PIEZO2: variants seen among roughly 807,000 people sequenced by gnomAD.
PIEZO2 encodes the protein piezo type mechanosensitive ion channel component 2, also known as piezo-type mechanosensitive ion channel component 2.
In PIEZO2, 172 loss-of-function variants were observed where a neutral mutation model predicts 337.3. The ratio of observed to expected loss-of-function variants is 0.51; its 90% CI spans 0.45 to 0.58. PIEZO2 has a LOEUF of 0.58. Ranked by LOEUF, PIEZO2 falls within the 20% of genes least tolerant of loss-of-function variation. PIEZO2 has a pLI of 0.00. For synonymous variants in PIEZO2, 1,251 were observed against 1,228.5 expected (o/e 1.02, Z -0.38); for missense variants, 3,028 against 3,391.3 (o/e 0.89, Z 2.66).
intron 3 of PIEZO2, among the ~76,000 whole-genome samples, chr18:10,935,472 A>G (rs2032340758): frequency 6.6e-6 from 1 of 152,318 alleles, no homozygotes; most frequent in East Asian, 1.9e-4. Flanking sequence ...ACAGAATTGG[A>G]TGACAACTCT....
chr18:11,052,488 C>T (rs1326446840), intron 2 of PIEZO2, among the ~76,000 whole-genome samples: 1 of 152,158 alleles, frequency 6.6e-6, no homozygotes, highest in South Asian at 2.1e-4. Flanking sequence ...TAAGGAGTCA[C>T]CTTTGAACCC....
chr18:10,896,060 C>CAA (rs11414260), intron 4 of PIEZO2, among the ~76,000 whole-genome samples: 12,303 of 119,204 alleles, frequency 0.1, 705 homozygotes, highest in African/African-American at 0.18. Flanking sequence ...AATTTCATCT[C>CAA]AAAAAAAAAA....
intron 1 of PIEZO2, among the ~76,000 whole-genome samples, chr18:11,139,029 T>C (rs1028218560): frequency 6.6e-6 from 1 of 152,228 alleles, no homozygotes; most frequent in African/African-American, 2.4e-5. Flanking sequence ...CACTAGCCAA[T>C]GTTTTACTCA....
At position 10,672,757 on chromosome 18, in the gene PIEZO2, C is replaced by A; in HGVS notation, c.8278G>T (p.Ala2760Ser). Reference sequence around the variant, plus strand: ...TCATTGAAGACCACCAGTTCCAGGGCCTGAGAGTTCGGATTGTATATTCTG... The same window carrying A: ...TCATTGAAGACCACCAGTTCCAGGGACTGAGAGTTCGGATTGTATATTCTG... ...GNRIYNPNSQ[A>S]LELVVFNDKV... is the part of the protein sequence containing the mutation. Residue 2760 changes from alanine (A) to serine (S), a missense_variant, in exon 55 of 56, where the codon GCC becomes TCC. Coordinates refer to ENST00000674853, the MANE Select transcript of PIEZO2 (RefSeq NM_001378183.1). This position sits in a 1 kb window ranked among gnomAD's most constrained non-coding sequence, Gnocchi z 4.7. 1.9e-6 allele frequency: 3 copies of A among 1,614,086 alleles called. No individual in the cohort carries two copies. The East Asian group carries it at 6.7e-5, about 36-fold the overall frequency.
At position 11,126,639 on chromosome 18, in the gene PIEZO2, T is replaced by G. The variant is rs1173321262; in HGVS notation, c.64+21886A>C. 1.3e-5 allele frequency among the ~76,000 whole-genome samples: 2 copies of G among 152,166 alleles called. No homozygotes were observed. Among genetic ancestry groups the G allele is most frequent in the Non-Finnish European group, 2.9e-5 (2 of 68,018 alleles). ...GGAGCCATGCCTTACATATTTTTTT[T>G]TTTTTGTATTCCCAGAATCGAGCCA... On this transcript the variant is annotated intron_variant, in intron 1 of 55. Coordinates refer to ENST00000674853, the MANE Select transcript of PIEZO2 (RefSeq NM_001378183.1). The surrounding 1 kb of genome is among the most constrained non-coding windows in gnomAD (Gnocchi z 4.6).
intron 39 of PIEZO2, among the ~76,000 whole-genome samples, chr18:10,710,117 C>T (rs1180989324): frequency 1.3e-5 from 2 of 152,248 alleles, no homozygotes; most frequent in African/African-American, 4.8e-5. Context: ...GATGCAACCC[C>T]ATAGCCTGTG....
At chr18:11,040,660 C>A (rs1460105637) in intron 2 of PIEZO2, among the ~76,000 whole-genome samples, 1 of 152,114 alleles carries the variant, frequency 6.6e-6, no homozygotes, top group Non-Finnish European at 1.5e-5. Flanking sequence ...AGAGTAGAGA[C>A]GTCTCTTTCT....
chr18:10,784,087 T>A lies in PIEZO2; in HGVS notation c.2492+697A>T, dbSNP rs187311353. Among the ~76,000 whole-genome samples the A allele has an allele frequency of 3.4e-3, 518 of 152,312 alleles. 3 individuals carry two copies. Among genetic ancestry groups the A allele is most frequent in the Non-Finnish European group, 5.0e-3 (339 of 68,036 alleles). On this transcript the variant is annotated intron_variant, in intron 17 of 55. Transcript: ENST00000674853. The surrounding 1 kb of genome is among the most constrained non-coding windows in gnomAD (Gnocchi z 4.5). ...AACATGAGGCAGAAAGGAAAACCATTGTCAGCGTTCACTAAAAGAATGCTT... is the reference window on the plus strand; with the variant it reads ...AACATGAGGCAGAAAGGAAAACCATAGTCAGCGTTCACTAAAAGAATGCTT...
intron 2 of PIEZO2, among the ~76,000 whole-genome samples, chr18:11,055,843 G>A (rs1029436429): frequency 3.9e-5 from 6 of 152,138 alleles, no homozygotes; most frequent in African/African-American, 1.2e-4. Context: ...ACCCTTCCCC[G>A]TTGTGTGCGC....
chr18:10,788,326 T>C (rs1173601918), intron 15 of PIEZO2, among the ~76,000 whole-genome samples: 2 of 149,766 alleles, frequency 1.3e-5, no homozygotes, highest in Non-Finnish European at 3.0e-5. Context: ...TCCTTGAAAC[T>C]GGGAGGCAGA....
rs1180525416 is a variant in PIEZO2 at position 10,945,251 on chromosome 18, C to T, written c.287-34023G>A. ...CTGGAGTGCAGTGGCACAATCATAG[C>T]TCACTGCAGCCTCAAACTCCTGTGC... is the stretch of plus-strand genomic sequence containing the variant. On this transcript the variant is annotated intron_variant, in intron 3 of 55. Coordinates refer to ENST00000674853, the MANE Select transcript of PIEZO2 (RefSeq NM_001378183.1). This position sits in a 1 kb window ranked among gnomAD's most constrained non-coding sequence, Gnocchi z 4.0. Among the ~76,000 whole-genome samples, 1 of 152,142 alleles carries T rather than the reference C, an allele frequency of 6.6e-6. No individual in the cohort carries two copies. The highest frequency in any genetic ancestry group is 1.5e-5 in the Non-Finnish European group (1 of 68,010).
intron 36 of PIEZO2, among the ~76,000 whole-genome samples, chr18:10,723,195 G>A (rs1006483729): frequency 3.9e-5 from 6 of 151,946 alleles, no homozygotes; most frequent in Non-Finnish European, 7.4e-5. Context: ...TCAAACTCCC[G>A]ACCTCAGGTG....
intron 3 of PIEZO2, among the ~76,000 whole-genome samples, chr18:10,918,062 T>C (rs765005798): frequency 7.9e-5 from 12 of 152,208 alleles, no homozygotes; most frequent in Non-Finnish European, 1.3e-4. Flanking sequence ...TGATCTTCTG[T>C]TGAAATTTAG....
In PIEZO2 at chr18:11,143,036, G is replaced by A. The variant is rs2040701662; in HGVS notation, c.64+5489C>T. The stretch of plus-strand genomic sequence containing the variant: ...GGAGCTTGCAGTGAGCCAAGATCAC[G>A]CCACTGCACTCCAGCCTGGGTGACA... On this transcript the variant is annotated intron_variant, in intron 1 of 55. Coordinates refer to ENST00000674853, the MANE Select transcript of PIEZO2 (RefSeq NM_001378183.1). This position sits in a 1 kb window ranked among gnomAD's most constrained non-coding sequence, Gnocchi z 4.9. 2.0e-5 allele frequency among the ~76,000 whole-genome samples: 3 copies of A among 152,124 alleles called. No homozygotes were observed. The highest frequency in any genetic ancestry group is 1.9e-4 in the East Asian group (1 of 5,178).
At position 10,724,934 on chromosome 18, in the gene PIEZO2, G is replaced by T. The variant is rs147011241; in HGVS notation, c.5029+6473C>A. 4.0e-4 allele frequency: 642 copies of T among 1,603,678 alleles called. 1 individual carries two copies. The African/African-American group carries it at 5.9e-3, about 15-fold the overall frequency. Reference sequence around the variant, plus strand: ...GGACAGCCTCCACCTGGACGGCGATGGAACCCAGGTGGGCGCACCCTGCGG... The same window carrying T: ...GGACAGCCTCCACCTGGACGGCGATTGAACCCAGGTGGGCGCACCCTGCGG... On this transcript the variant is annotated intron_variant, in intron 36 of 55. Transcript: ENST00000674853. This position sits in a 1 kb window ranked among gnomAD's most constrained non-coding sequence, Gnocchi z 5.8.
At chr18:11,103,815 G>A (rs1479041060) in intron 1 of PIEZO2, among the ~76,000 whole-genome samples, 1 of 151,868 alleles carries the variant, frequency 6.6e-6, no homozygotes, top group Admixed American at 6.6e-5. Context: ...GTGTGCGTGT[G>A]TGCGTGTGTG....
In PIEZO2 at chr18:10,897,551, C is replaced by T. The variant is rs368641351; in HGVS notation, c.329+13635G>A. Among the ~76,000 whole-genome samples, 260 of 152,258 alleles carry T rather than the reference C, an allele frequency of 1.7e-3. 1 individual carries two copies. The highest frequency in any genetic ancestry group is 5.8e-3 in the African/African-American group (241 of 41,558). ...TTGGCTCTCATTCTCTCTTGCCTGC[C>T]GCCACATAAGACGTGCCTTTCACCT... On this transcript the variant is annotated intron_variant, in intron 4 of 55. Transcript: ENST00000674853.
At position 10,781,052 on chromosome 18, in the gene PIEZO2, C is replaced by T. The variant is rs888495992; in HGVS notation, c.2493-686G>A. On this transcript the variant is annotated intron_variant, in intron 17 of 55. Coordinates refer to ENST00000674853, the MANE Select transcript of PIEZO2 (RefSeq NM_001378183.1). The surrounding 1 kb of genome is among the most constrained non-coding windows in gnomAD (Gnocchi z 4.1). ...TAAAAAAAAAAAGGATCCTACTCAG[C>T]GGCCATATTCAACATGTTGTTTTCT... is the stretch of plus-strand genomic sequence containing the variant. 2.6e-5 allele frequency among the ~76,000 whole-genome samples: 4 copies of T among 151,286 alleles called. No homozygotes were observed. The highest frequency in any genetic ancestry group is 6.6e-5 in the Admixed American group (1 of 15,210).
At chr18:10,719,001 A>AT (rs1217391238) in intron 36 of PIEZO2, among the ~76,000 whole-genome samples, 32 of 150,798 alleles carry the variant, frequency 2.1e-4, no homozygotes, top group African/African-American at 7.8e-4. Context: ...AAATAAATAA[A>AT]TAAATAAATA....
Sources: allele counts gnomAD v4.1 joint callset (sites outside exome capture counted in the v4.1 genomes callset), GRCh38; gene constraint gnomAD v4.1.1; non-coding constraint Gnocchi (gnomAD v3.1); transcripts MANE v1.5; gene names NCBI Gene and HGNC (gene_info 2026-07-23, HGNC 2026-07-21).